Variants in QKI observed in about 807,000 individuals in gnomAD.
The protein encoded by QKI is QKI, KH domain containing RNA binding.
A neutral mutation model predicts 39.0 loss-of-function variants in QKI; 10 were observed. That is an observed-to-expected ratio of 0.26 (90% confidence interval 0.16 to 0.43). The LOEUF (loss-of-function observed/expected upper bound fraction) is 0.43. Ranked by LOEUF, QKI falls within the 20% of genes least tolerant of loss-of-function variation. The pLI, the probability that QKI is intolerant of heterozygous loss-of-function variation, is 1.00. For missense variants in QKI, 218 were observed against 428.0 expected (o/e 0.51, Z 4.33); for synonymous variants, 204 against 155.4 (o/e 1.31, Z -2.33).
intron 3 of QKI, among the ~76,000 whole-genome samples, chr6:163,506,155 CTG>C (rs900888740): frequency 1.3e-5 from 2 of 151,708 alleles, no homozygotes; most frequent in African/African-American, 4.8e-5. Context: ...CCATGCAGAA[CTG>C]TGAGTCAATT....
chr6:163,568,316 C>G (rs1047136289), intron 7 of QKI: 6 of 985,054 alleles, frequency 6.1e-6, no homozygotes, highest in Non-Finnish European at 7.2e-6. Flanking sequence ...TTTGCTTTAA[C>G]ACAATAATTA....
rs139315261 is a variant in QKI at position 163,459,496 on chromosome 6, G to A, written c.285+4075G>A. Reference sequence around the variant, plus strand: ...GGACCCAAATGTCAGTAGTGCTGAGGTTGAGAAACCCTGCGTTAGTGATAC... The same window carrying A: ...GGACCCAAATGTCAGTAGTGCTGAGATTGAGAAACCCTGCGTTAGTGATAC... On this transcript the variant is annotated intron_variant, in intron 2 of 7. Coordinates refer to ENST00000361752, the MANE Select transcript of QKI (RefSeq NM_006775.3). Among the ~76,000 whole-genome samples the A allele has an allele frequency of 3.1e-3, 473 of 152,316 alleles. 2 individuals are homozygous for A. Among genetic ancestry groups the A allele is most frequent in the Non-Finnish European group, 5.5e-3 (374 of 68,034 alleles).
chr6:163,458,598 A>G (rs1303897491), intron 2 of QKI, among the ~76,000 whole-genome samples: 1 of 152,072 alleles, frequency 6.6e-6, no homozygotes, highest in African/African-American at 2.4e-5. Context: ...TAAGTTAGAG[A>G]TGTGTTTTGG....
At chr6:163,430,807 T>A (rs1366493643) in intron 1 of QKI, among the ~76,000 whole-genome samples, 1 of 152,132 alleles carries the variant, frequency 6.6e-6, no homozygotes, top group Admixed American at 6.5e-5. Flanking sequence ...GGCTTTAGGC[T>A]GATGTTTGAA....
At chr6:163,528,756 T>C (rs1780670009) in intron 3 of QKI, among the ~76,000 whole-genome samples, 1 of 152,202 alleles carries the variant, frequency 6.6e-6, no homozygotes, top group African/African-American at 2.4e-5. Context: ...GAATGAATTA[T>C]AAAGTTGCTT....
chr6:163,529,685 G>A (rs1780735021), intron 3 of QKI, among the ~76,000 whole-genome samples: 1 of 152,226 alleles, frequency 6.6e-6, no homozygotes, highest in African/African-American at 2.4e-5. Context: ...ATCGTGGGAA[G>A]TGAATGAACA....
intron 2 of QKI, 141 bp downstream of exon 2, chr6:163,455,562 T>C: frequency 1.1e-6 from 1 of 887,772 alleles, no homozygotes; most frequent in Non-Finnish European, 1.7e-6. Flanking sequence ...TAATTTGGCA[T>C]GATAATTTAA....
chr6:163,478,945 C>A (rs139069121), intron 3 of QKI, 49 bp downstream of exon 3: 4 of 1,362,806 alleles, frequency 2.9e-6, no homozygotes, highest in African/African-American at 2.9e-5. Context: ...ACTTACTATA[C>A]TTTTACATCG....
In QKI at chr6:163,563,496, A is replaced by G. The variant is rs764827828; in HGVS notation, c.711A>G (p.Pro237=). The part of the protein sequence containing the change: ...RIITGPAPVL[P]PAALRTPTPA... Reference sequence around the variant, plus strand: ...TTACTGGGCCTGCGCCGGTTCTCCCACCAGCTGCCCTGCGTACTCCTACGC... The same window carrying G: ...TTACTGGGCCTGCGCCGGTTCTCCCGCCAGCTGCCCTGCGTACTCCTACGC... Residue 237 remains proline, a synonymous_variant, in exon 6 of 8, where the codon CCA becomes CCG. Coordinates refer to ENST00000361752, the MANE Select transcript of QKI (RefSeq NM_006775.3). 15 of 1,614,106 alleles carry G rather than the reference A, an allele frequency of 9.3e-6. No homozygotes were observed. The highest frequency in any genetic ancestry group is 1.3e-5 in the Non-Finnish European group (15 of 1,180,004).
At chr6:163,523,177 T>C (rs980687006) in intron 3 of QKI, among the ~76,000 whole-genome samples, 3 of 152,248 alleles carry the variant, frequency 2.0e-5, no homozygotes, top group African/African-American at 7.2e-5. Flanking sequence ...TCTTTAGTTT[T>C]GTGTTTTTCA....
chr6:163,528,614 CCAT>C (rs1284996105), intron 3 of QKI, among the ~76,000 whole-genome samples: 5 of 152,214 alleles, frequency 3.3e-5, no homozygotes, highest in East Asian at 3.9e-4. Context: ...AGCTTAGTTG[CCAT>C]CATCATTTTC....
intron 3 of QKI, among the ~76,000 whole-genome samples, chr6:163,504,782 T>C (rs1467115461): frequency 6.6e-6 from 1 of 152,178 alleles, no homozygotes; most frequent in South Asian, 2.1e-4. Context: ...TCAAATCATA[T>C]TGTTAGCAAA....
intron 3 of QKI, among the ~76,000 whole-genome samples, chr6:163,483,625 A>G (rs1197964500): frequency 1.3e-5 from 2 of 152,192 alleles, no homozygotes; most frequent in African/African-American, 2.4e-5. Context: ...GCAGCAATTC[A>G]GTCACATCTT....
intron 4 of QKI, among the ~76,000 whole-genome samples, chr6:163,541,543 A>G (rs2128243113): frequency 6.7e-6 from 1 of 149,886 alleles, no homozygotes; most frequent in East Asian, 2.0e-4. Flanking sequence ...TTACTGAAAG[A>G]GGTGTGTAAA....
intron 3 of QKI, among the ~76,000 whole-genome samples, chr6:163,494,143 A>G (rs1446932920): frequency 6.6e-6 from 1 of 152,206 alleles, no homozygotes; most frequent in Non-Finnish European, 1.5e-5. Flanking sequence ...GGGAGGAAAA[A>G]TAATAAAAAA....
At chr6:163,495,730 ATT>A (rs1172308595) in intron 3 of QKI, among the ~76,000 whole-genome samples, 1 of 152,072 alleles carries the variant, frequency 6.6e-6, no homozygotes, top group African/African-American at 2.4e-5. Flanking sequence ...CAGACTTTTC[ATT>A]ATCTTTTATA....
chr6:163,566,512 C>G, intron 6 of QKI: 1 of 1,388,824 alleles, frequency 7.2e-7, no homozygotes, highest in South Asian at 1.5e-5. Flanking sequence ...AGGTTAAGGC[C>G]CAAGATGTTT....
In QKI at chr6:163,496,714, CT is replaced by C. The variant is rs1778438715; in HGVS notation, c.402+17819del. On this transcript the variant is annotated intron_variant, in intron 3 of 7. Coordinates refer to ENST00000361752, the MANE Select transcript of QKI (RefSeq NM_006775.3). ...TGTGTATTCCTCGAACATACACATGCTCTCATCATAGGGCTTTGGTGTTGCT... is the reference window on the plus strand; with the variant it reads ...TGTGTATTCCTCGAACATACACATGCCTCATCATAGGGCTTTGGTGTTGCT... 2.0e-5 allele frequency among the ~76,000 whole-genome samples: 3 copies of C among 152,174 alleles called. No homozygotes were observed. The South Asian group carries it at 6.2e-4, about 31-fold the overall frequency.
chr6:163,461,323 C>T (rs939108391), intron 2 of QKI, among the ~76,000 whole-genome samples: 2 of 152,130 alleles, frequency 1.3e-5, no homozygotes, highest in African/African-American at 2.4e-5. Flanking sequence ...TTTTGTTTAG[C>T]TGATATTTTT....
Sources: allele counts gnomAD v4.1 joint callset (sites outside exome capture counted in the v4.1 genomes callset), GRCh38; gene constraint gnomAD v4.1.1; transcripts MANE v1.5; gene names NCBI Gene and HGNC (gene_info 2026-07-23, HGNC 2026-07-21).